NDST3: variants seen among roughly 807,000 people sequenced by gnomAD.
NDST3 encodes the protein N-deacetylase and N-sulfotransferase 3.
Under a neutral mutation model 96.1 loss-of-function variants are expected in NDST3, and 58 were observed. The observed-to-expected ratio is 0.60, with a 90% confidence interval of 0.49 to 0.75. NDST3 has a LOEUF of 0.75. Ranked by LOEUF, NDST3 falls within the 30% of genes least tolerant of loss-of-function variation. The pLI is 0.00. For missense variants in NDST3, 788 were observed against 1,034.2 expected, an observed-to-expected ratio of 0.76 and a Z score of 3.27; for synonymous variants, 333 against 359.7, an observed-to-expected ratio of 0.93 and a Z score of 0.84.
At chr4:118,092,291 A>G (rs1461726399) in intron 2 of NDST3, among the ~76,000 whole-genome samples, 1 of 151,542 alleles carries the variant, frequency 6.6e-6, no homozygotes, top group African/African-American at 2.4e-5. Context: ...AAAGTTACTC[A>G]GTGTCCTTAG....
At chr4:118,147,734 T>A (rs1177225390) in intron 6 of NDST3, among the ~76,000 whole-genome samples, 1 of 152,210 alleles carries the variant, frequency 6.6e-6, no homozygotes, top group East Asian at 1.9e-4. Flanking sequence ...TTGGAAAAGT[T>A]CCGGCTTAGA....
chr4:118,096,755 G>C (rs1346730577), intron 2 of NDST3, among the ~76,000 whole-genome samples: 3 of 151,864 alleles, frequency 2.0e-5, no homozygotes, highest in African/African-American at 7.2e-5. Flanking sequence ...ATGAGGTTAT[G>C]GAGGCTGAGA....
chr4:118,226,374 T>C (rs1270629951), intron 7 of NDST3, among the ~76,000 whole-genome samples: 3 of 152,202 alleles, frequency 2.0e-5, no homozygotes, highest in East Asian at 1.9e-4. Context: ...TTTTTAGATA[T>C]ACATTTATCA....
intron 1 of NDST3, among the ~76,000 whole-genome samples, chr4:118,038,506 G>A (rs1724272061): frequency 6.6e-6 from 1 of 152,154 alleles, no homozygotes; most frequent in Non-Finnish European, 1.5e-5. Context: ...GAGACAGAGT[G>A]TATTCTTGGT....
At chr4:118,241,539 T>C (rs541698345) in intron 11 of NDST3, among the ~76,000 whole-genome samples, 3 of 152,222 alleles carry the variant, frequency 2.0e-5, no homozygotes, top group Non-Finnish European at 4.4e-5. Context: ...ACTTTGTCCA[T>C]GTTCAAGTTT....
At chr4:118,241,464 C>T (rs541023931) in intron 11 of NDST3, among the ~76,000 whole-genome samples, 2 of 150,984 alleles carry the variant, frequency 1.3e-5, no homozygotes, top group East Asian at 4.0e-4. Context: ...ATCCTGGTCT[C>T]CTCTCATCTT....
intron 2 of NDST3, among the ~76,000 whole-genome samples, chr4:118,096,385 C>A (rs1312676049): frequency 6.6e-6 from 1 of 151,812 alleles, no homozygotes; most frequent in Admixed American, 6.6e-5. Context: ...TAGATTGGAG[C>A]TGTTTATACT....
At chr4:118,059,169 G>T (rs1014834782) in intron 2 of NDST3, among the ~76,000 whole-genome samples, 6 of 151,840 alleles carry the variant, frequency 4.0e-5, no homozygotes, top group Non-Finnish European at 7.4e-5. Flanking sequence ...TGAAGAACCC[G>T]CCCAGTCACA....
At chr4:118,047,263 C>T (rs1243411667) in intron 1 of NDST3, among the ~76,000 whole-genome samples, 1 of 152,202 alleles carries the variant, frequency 6.6e-6, no homozygotes, top group Non-Finnish European at 1.5e-5. Context: ...AACTGAAGTA[C>T]TCAAATTACG....
intron 5 of NDST3, 25 bp from the exon 6 acceptor site, chr4:118,143,531 C>T: frequency 6.3e-7 from 1 of 1,584,658 alleles, no homozygotes; most frequent in Non-Finnish European, 8.5e-7. Context: ...AAAGCTTTTC[C>T]TTACTTTTTT....
chr4:118,225,326 G>A (rs1739805485), intron 7 of NDST3, among the ~76,000 whole-genome samples: 1 of 152,082 alleles, frequency 6.6e-6, no homozygotes, highest in Non-Finnish European at 1.5e-5. Flanking sequence ...AATTTAAATT[G>A]TCCACTCCAT....
intron 9 of NDST3, among the ~76,000 whole-genome samples, chr4:118,235,256 T>C (rs556931850): frequency 6.6e-6 from 1 of 152,324 alleles, no homozygotes; most frequent in East Asian, 1.9e-4. Context: ...TTGAATAACC[T>C]GAATTTACAT....
chr4:118,081,730 T>A (rs1728039786), intron 2 of NDST3, among the ~76,000 whole-genome samples: 1 of 152,180 alleles, frequency 6.6e-6, no homozygotes, highest in Non-Finnish European at 1.5e-5. Flanking sequence ...TCTCTTTACT[T>A]CCTGATGCTT....
chr4:118,074,199 T>C (rs899672903), intron 2 of NDST3, among the ~76,000 whole-genome samples: 4 of 152,192 alleles, frequency 2.6e-5, no homozygotes, highest in African/African-American at 9.6e-5. Flanking sequence ...GCCAATTGCA[T>C]GGTTGATTTT....
intron 2 of NDST3, among the ~76,000 whole-genome samples, chr4:118,068,787 A>G (rs1172769930): frequency 2.0e-5 from 3 of 152,138 alleles, no homozygotes; most frequent in Non-Finnish European, 4.4e-5. Context: ...CATGTTGTAT[A>G]AAAATATTTA....
At chr4:118,062,590 T>C (rs567459829) in intron 2 of NDST3, among the ~76,000 whole-genome samples, 43 of 152,280 alleles carry the variant, frequency 2.8e-4, no homozygotes, top group African/African-American at 8.9e-4. Context: ...AGCCATAGTG[T>C]GCTAGCAACT....
At chr4:118,044,235 T>C (rs1011151609) in intron 1 of NDST3, among the ~76,000 whole-genome samples, 2 of 152,194 alleles carry the variant, frequency 1.3e-5, no homozygotes, top group African/African-American at 4.8e-5. Flanking sequence ...GGATATGAGA[T>C]TTTGTATTCT....
intron 1 of NDST3, among the ~76,000 whole-genome samples, chr4:118,037,988 G>T (rs11731535): frequency 0.64 from 97,019 of 151,922 alleles, 34,384 homozygotes; most frequent in South Asian, 0.82. Flanking sequence ...TCCTTATCTG[G>T]TTCATGTAAC....
intron 2 of NDST3, among the ~76,000 whole-genome samples, chr4:118,081,665 T>C (rs149588047): frequency 6.6e-6 from 1 of 152,264 alleles, no homozygotes; most frequent in East Asian, 1.9e-4. Flanking sequence ...CTGTGCTAAT[T>C]AAGTACATTT....
Sources: allele counts gnomAD v4.1 joint callset (sites outside exome capture counted in the v4.1 genomes callset), GRCh38; gene constraint gnomAD v4.1.1; transcripts MANE v1.5; gene names NCBI Gene and HGNC (gene_info 2026-07-23, HGNC 2026-07-21).